Variants in LPCAT2 observed in about 807,000 individuals in gnomAD.
LPCAT2 encodes 1-AGP acyltransferase 11.
In LPCAT2, 58 loss-of-function variants were observed where a neutral mutation model predicts 64.7. The ratio of observed to expected loss-of-function variants is 0.90; its 90% CI spans 0.73 to 1.12. The LOEUF is 1.12. Among genes scored for constraint, LPCAT2 ranks in the 50% most tolerant of loss-of-function variants. The pLI, the probability that LPCAT2 is intolerant of heterozygous loss-of-function variation, is 0.00. For missense variants in LPCAT2, 579 were observed against 669.8 expected, an observed-to-expected ratio of 0.86 and a Z score of 1.50; for synonymous variants, 252 against 245.3, an observed-to-expected ratio of 1.03 and a Z score of -0.26.
chr16:55,519,547 C>CG (rs1963064894), intron 1 of LPCAT2, among the ~76,000 whole-genome samples: 1 of 149,410 alleles, frequency 6.7e-6, no homozygotes, highest in Non-Finnish European at 1.5e-5. Flanking sequence ...TGGTAAAGAA[C>CG]ATTTTTTGGG....
chr16:55,536,604 C>T (rs538260916), intron 7 of LPCAT2, among the ~76,000 whole-genome samples: 1 of 152,190 alleles, frequency 6.6e-6, no homozygotes, highest in Non-Finnish European at 1.5e-5. Flanking sequence ...TTCTTAAGCT[C>T]CTACATTCCT....
intron 8 of LPCAT2, chr16:55,539,593 A>T (rs1963371207): frequency 6.6e-6 from 1 of 152,066 alleles, no homozygotes; most frequent in African/African-American, 2.4e-5. Context: ...TCACTGTTGG[A>T]TTTAACTGAA....
chr16:55,525,171 A>G (rs1490532810), intron 1 of LPCAT2, among the ~76,000 whole-genome samples: 3 of 152,044 alleles, frequency 2.0e-5, no homozygotes, highest in Non-Finnish European at 2.9e-5. Flanking sequence ...AAGATTGTTC[A>G]GGCTACAACT....
At position 55,511,901 on chromosome 16, in the gene LPCAT2, G is replaced by C. The variant is rs117721364; in HGVS notation, c.171+2549G>C. On this transcript the variant is annotated intron_variant, in intron 1 of 13. Coordinates refer to ENST00000262134, the MANE Select transcript of LPCAT2 (RefSeq NM_017839.5). Reference sequence around the variant, plus strand: ...TTTCTTTCAGTCAAGATTATTGCTTGTTTTTTAATAATGATACCTCTTTGA... The same window carrying C: ...TTTCTTTCAGTCAAGATTATTGCTTCTTTTTTAATAATGATACCTCTTTGA... 1.5e-3 allele frequency among the ~76,000 whole-genome samples: 225 copies of C among 152,206 alleles called. 2 individuals carry two copies. The East Asian group carries it at 0.022, about 15-fold the overall frequency.
chr16:55,568,316 G>A (rs184884503), intron 11 of LPCAT2, among the ~76,000 whole-genome samples: 57 of 152,294 alleles, frequency 3.7e-4, no homozygotes, highest in Non-Finnish European at 6.5e-4. Flanking sequence ...CCCTGTTGAC[G>A]TTAGCCAGCT....
At position 55,525,810 on chromosome 16, in the gene LPCAT2, C is replaced by A. The variant is rs568674377; in HGVS notation, c.311+163C>A. ...TAATAAATTTTACAGTTTTATCTGC[C>A]TACTCAATAATAAATAATTTATTTT... is the stretch of plus-strand genomic sequence containing the variant. On this transcript the variant is annotated intron_variant, in intron 2 of 13. Transcript: ENST00000262134. 398 of 403,322 alleles carry A rather than the reference C, an allele frequency of 9.9e-4. 3 individuals are homozygous for A. Among genetic ancestry groups the A allele is most frequent in the African/African-American group, 7.6e-3 (371 of 48,598 alleles). 25.0% of individuals were successfully genotyped at this position (403,322 alleles called of 1,614,324 possible).
At chr16:55,546,867 G>A (rs1963459539) in intron 9 of LPCAT2, among the ~76,000 whole-genome samples, 1 of 152,168 alleles carries the variant, frequency 6.6e-6, no homozygotes, top group East Asian at 1.9e-4. Flanking sequence ...GAGAGAACTG[G>A]GCTGGGCGCG....
chr16:55,541,483 T>C (rs1482917890), intron 8 of LPCAT2: 1 of 154,246 alleles, frequency 6.5e-6, no homozygotes, highest in Non-Finnish European at 1.4e-5. Flanking sequence ...GTTTTTAATC[T>C]AAAATGAGCC....
intron 2 of LPCAT2, among the ~76,000 whole-genome samples, chr16:55,528,153 T>G (rs1433141416): frequency 3.3e-5 from 5 of 152,196 alleles, no homozygotes; most frequent in African/African-American, 1.2e-4. Flanking sequence ...TTCAAAAGAT[T>G]AGGCTGAGGA....
chr16:55,523,356 G>T (rs1963124713), intron 1 of LPCAT2, among the ~76,000 whole-genome samples: 1 of 151,720 alleles, frequency 6.6e-6, no homozygotes, highest in East Asian at 1.9e-4. Context: ...CCTTGCTGGG[G>T]ATGTAAACTG....
chr16:55,525,082 C>T (rs774020393), intron 1 of LPCAT2, among the ~76,000 whole-genome samples: 28 of 152,022 alleles, frequency 1.8e-4, no homozygotes, highest in Non-Finnish European at 1.5e-4. Flanking sequence ...CTTCGTCACA[C>T]TCTGATGCCT....
intron 1 of LPCAT2, among the ~76,000 whole-genome samples, chr16:55,513,678 G>A (rs994737224): frequency 3.3e-4 from 50 of 152,108 alleles, no homozygotes; most frequent in African/African-American, 1.2e-3. Context: ...CAGCTCTGTA[G>A]TAGCCTTAAA....
Position 55,537,620 on chromosome 16 carries a change from G to A in LPCAT2, c.840G>A (p.Lys280=), listed in dbSNP as rs772064821. ...CMLTFCQLFT[K]VEVEFMPVQV... The stretch of plus-strand genomic sequence containing the variant: ...TTACTTTCTGCCAGCTCTTCACAAA[G>A]GTAGAAGTTGAGGTAAGTCATTCAA... The change falls in exon 8 of 14, where the codon AAG becomes AAA. Residue 280 remains lysine (K), a synonymous_variant. Coordinates refer to ENST00000262134, the MANE Select transcript of LPCAT2 (RefSeq NM_017839.5). 32 of 1,612,898 alleles carry A rather than the reference G, an allele frequency of 2.0e-5. No homozygotes were observed. The highest frequency in any genetic ancestry group is 2.5e-5 in the Non-Finnish European group (30 of 1,179,420).
chr16:55,575,131 T>G (rs975954071), intron 12 of LPCAT2, among the ~76,000 whole-genome samples: 6 of 152,174 alleles, frequency 3.9e-5, no homozygotes, highest in African/African-American at 1.4e-4. Context: ...TCAGTGATAT[T>G]TTCAGTGGTA....
intron 8 of LPCAT2, among the ~76,000 whole-genome samples, chr16:55,544,909 A>G (rs1056422969): frequency 5.3e-5 from 8 of 152,278 alleles, no homozygotes; most frequent in African/African-American, 1.7e-4. Flanking sequence ...CCCATCTATA[A>G]TTGGGGGTAA....
intron 11 of LPCAT2, among the ~76,000 whole-genome samples, chr16:55,553,756 G>A (rs1004396224): frequency 6.6e-6 from 1 of 152,172 alleles, no homozygotes; most frequent in Non-Finnish European, 1.5e-5. Context: ...TCCACCAGAA[G>A]AATCACTAGC....
At chr16:55,545,968 T>A in intron 9 of LPCAT2, 151 bp downstream of exon 9, 1 of 613,584 alleles carries the variant, frequency 1.6e-6, no homozygotes, top group South Asian at 2.1e-5. Context: ...AGGGATGAGG[T>A]CAGTATAACA....
chr16:55,565,097 A>T (rs1176403654), intron 11 of LPCAT2, among the ~76,000 whole-genome samples: 2 of 152,054 alleles, frequency 1.3e-5, no homozygotes, highest in Non-Finnish European at 2.9e-5. Flanking sequence ...ACATTAAAAG[A>T]TGCTCAACAT....
chr16:55,537,599 T>C lies in LPCAT2; in HGVS notation c.819T>C (p.Thr273=). Residue 273 remains threonine, a synonymous_variant, in exon 8 of 14, where the codon ACT becomes ACC. Transcript: ENST00000262134. ...TCAGCATTCAGCTTTGTATGCTTACTTTCTGCCAGCTCTTCACAAAGGTAG... is the reference window on the plus strand; with the variant it reads ...TCAGCATTCAGCTTTGTATGCTTACCTTCTGCCAGCTCTTCACAAAGGTAG... ...GYTFIQLCML[T]FCQLFTKVEV... is the part of the protein sequence containing the mutation. 6.2e-7 allele frequency: 1 copy of C among 1,613,524 alleles called. No homozygotes were observed. The highest frequency in any genetic ancestry group is 8.5e-7 in the Non-Finnish European group (1 of 1,179,640).
Sources: gnomAD v4.1 joint callset for allele counts (sites outside exome capture counted in the v4.1 genomes callset) on GRCh38, gnomAD v4.1.1 for gene constraint, MANE v1.5 for transcripts, NCBI Gene and HGNC (gene_info 2026-07-23, HGNC 2026-07-21) for gene names.